CDKL3: variants seen among roughly 807,000 people sequenced by gnomAD.
CDKL3 encodes cyclin-dependent kinase-like 3.
In CDKL3, 65 loss-of-function variants were observed where a neutral mutation model predicts 69.3. The observed-to-expected ratio is 0.94, with a 90% CI of 0.77 to 1.15. The LOEUF (loss-of-function observed/expected upper bound fraction) is 1.15. Ranked by LOEUF, CDKL3 falls within the 50% of genes most tolerant of loss-of-function variation. The pLI is 0.00. For synonymous variants in CDKL3, 202 were observed against 221.6 expected (o/e 0.91, Z 0.79); for missense variants, 652 against 689.2 (o/e 0.95, Z 0.61).
chr5:134,303,676 C>A (rs563432208), intron 11 of CDKL3, among the ~76,000 whole-genome samples: 44 of 151,400 alleles, frequency 2.9e-4, no homozygotes, highest in African/African-American at 6.5e-4. Context: ...GAACCCCCCC[C>A]CCGTCTCTAC....
intron 3 of CDKL3, among the ~76,000 whole-genome samples, chr5:134,352,481 A>C (rs1292259346): frequency 6.6e-6 from 1 of 151,856 alleles, no homozygotes; most frequent in African/African-American, 2.4e-5. Context: ...TTGTATTTTT[A>C]GTGGAGATGG....
chr5:134,363,636 G>A (rs79259318), intron 2 of CDKL3, among the ~76,000 whole-genome samples: 24,696 of 151,502 alleles, frequency 0.16, 2,695 homozygotes, highest in African/African-American at 0.31. Flanking sequence ...AATTTTTTGT[G>A]TTTTAGTAGA....
At chr5:134,367,385 T>C, upstream of CDKL3, 1 of 981,488 alleles carries the variant, frequency 1.0e-6, no homozygotes, top group Non-Finnish European at 1.2e-6. Flanking sequence ...TTTTTTTTTT[T>C]TTTTTTTGAG....
At chr5:134,364,154 GAATA>G (rs1561657130) in intron 2 of CDKL3, among the ~76,000 whole-genome samples, 2 of 151,986 alleles carry the variant, frequency 1.3e-5, no homozygotes, top group African/African-American at 4.8e-5. Context: ...CCAATAAATA[GAATA>G]CATACTTATT....
chr5:134,305,017 A>G (rs1160138620), intron 10 of CDKL3, among the ~76,000 whole-genome samples: 1 of 151,662 alleles, frequency 6.6e-6, no homozygotes, highest in African/African-American at 2.4e-5. Flanking sequence ...TAGGTTGACT[A>G]GGCTGATCTC....
intron 11 of CDKL3, among the ~76,000 whole-genome samples, chr5:134,304,020 A>G (rs1019787988): frequency 6.6e-6 from 1 of 151,640 alleles, no homozygotes; most frequent in East Asian, 1.9e-4. Context: ...TGCAGTCTCA[A>G]CTTCCTGGGT....
intron 11 of CDKL3, among the ~76,000 whole-genome samples, chr5:134,303,807 A>G (rs561866759): frequency 1.3e-4 from 20 of 152,178 alleles, no homozygotes; most frequent in African/African-American, 4.8e-4. Context: ...TGAGATTGCA[A>G]CACTGCACTC....
At chr5:134,368,673 T>C (rs1488132811), upstream of CDKL3, among the ~76,000 whole-genome samples, 1 of 150,736 alleles carries the variant, frequency 6.6e-6, no homozygotes, top group Non-Finnish European at 1.5e-5. Context: ...TAAAATACCT[T>C]CTATAAATAA....
Position 134,298,445 on chromosome 5 carries a change from T to C in CDKL3, c.*206A>G. 2 of 1,342,902 alleles carry C rather than the reference T, an allele frequency of 1.5e-6. No individual in the cohort carries two copies. Among genetic ancestry groups the C allele is most frequent in the Non-Finnish European group, 1.9e-6 (2 of 1,052,612 alleles). 83.2% of individuals were successfully genotyped at this position (1,342,902 alleles called of 1,614,324 possible). On this transcript the variant is annotated 3_prime_UTR_variant, in exon 13 of 13. Transcript: ENST00000265334. ...GAAGTAGGCAGAGAAGAGATGACTT[T>C]ATAATTCCAAATCAAATTATCACAT...
At chr5:134,364,670 C>T (rs1366238264) in intron 2 of CDKL3, among the ~76,000 whole-genome samples, 1 of 151,868 alleles carries the variant, frequency 6.6e-6, no homozygotes, top group Non-Finnish European at 1.5e-5. Flanking sequence ...CACTACCATC[C>T]CCGGCTAATT....
intron 12 of CDKL3, chr5:134,299,718 C>T (rs780513220): frequency 6.5e-7 from 1 of 1,534,648 alleles, no homozygotes; most frequent in Non-Finnish European, 8.7e-7. Context: ...CTGGCAAGTT[C>T]TTCTTCCTTT....
rs773794246 is a variant in CDKL3, at chr5:134,304,481, G to A, written c.1545C>T (p.Ser515=). Residue 515 remains serine, a synonymous_variant, in exon 11 of 13, where the codon TCC becomes TCT. Coordinates refer to ENST00000265334, the MANE Select transcript of CDKL3 (RefSeq NM_001113575.2). ...AATGGAATTCTTTCCTGTCAGATCTGGAAAAATTCAGCTTCCTTTTGTTCT... is the reference window on the plus strand; with the variant it reads ...AATGGAATTCTTTCCTGTCAGATCTAGAAAAATTCAGCTTCCTTTTGTTCT... ...ANENKRKLNF[S]RSDRKEFHFP... is the part of the protein sequence containing the mutation. 1.2e-5 allele frequency: 20 copies of A among 1,612,396 alleles called. No individual in the cohort carries two copies. In the African/African-American group the frequency reaches 2.4e-4, roughly 19 times the overall value.
In CDKL3 at chr5:134,353,621, G is replaced by A. The variant is rs529161350; in HGVS notation, c.361-3194C>T. Among the ~76,000 whole-genome samples, 215 of 148,922 alleles carry A rather than the reference G, an allele frequency of 1.4e-3. 1 individual carries two copies. The highest frequency in any genetic ancestry group is 1.8e-3 in the Non-Finnish European group (122 of 67,622). On this transcript the variant is annotated intron_variant, in intron 3 of 12. Coordinates refer to ENST00000265334, the MANE Select transcript of CDKL3 (RefSeq NM_001113575.2). ...GGCTGGAGTGCAGTGGCGCAATCTC[G>A]GCTCACTGCAACCTCTGGCTCCCGG... is the stretch of plus-strand genomic sequence containing the variant.
intron 4 of CDKL3, among the ~76,000 whole-genome samples, chr5:134,333,042 TTC>T (rs1776195575): frequency 6.6e-6 from 1 of 152,238 alleles, no homozygotes; most frequent in South Asian, 2.1e-4. Context: ...AGGTATTTTA[TTC>T]TGTTTGTAGT....
At chr5:134,321,668 CATCT>C (rs1772831243) in intron 5 of CDKL3, 119 bp downstream of exon 5, 2 of 581,772 alleles carry the variant, frequency 3.4e-6, no homozygotes, top group African/African-American at 3.9e-5. Context: ...CATCTGCTGC[CATCT>C]ATCAAAACAA....
At chr5:134,348,095 T>G (rs1752389405) in intron 4 of CDKL3, among the ~76,000 whole-genome samples, 1 of 152,090 alleles carries the variant, frequency 6.6e-6, no homozygotes, top group African/African-American at 2.4e-5. Flanking sequence ...TTCTTTAAAA[T>G]GCAAGGAAAT....
chr5:134,316,249 G>A (rs1017753431), intron 6 of CDKL3, among the ~76,000 whole-genome samples: 1 of 152,066 alleles, frequency 6.6e-6, no homozygotes, highest in African/African-American at 2.4e-5. Context: ...CCTGCCCCCG[G>A]ACCACTTCTA....
intron 4 of CDKL3, among the ~76,000 whole-genome samples, chr5:134,336,572 C>G (rs1777159971): frequency 1.3e-5 from 2 of 152,206 alleles, no homozygotes; most frequent in African/African-American, 4.8e-5. Flanking sequence ...TTCCTTCCAA[C>G]AGACAGGCCC....
chr5:134,298,747 T>A (rs542869487), intron 12 of CDKL3, 37 bp from the exon 13 acceptor site: 351 of 1,596,916 alleles, frequency 2.2e-4, no homozygotes, highest in Admixed American at 3.6e-4. Flanking sequence ...AATCAGGGAC[T>A]GGAATGTAAA....
Sources: gnomAD v4.1 joint callset for allele counts (sites outside exome capture counted in the v4.1 genomes callset) on GRCh38, gnomAD v4.1.1 for gene constraint, MANE v1.5 for transcripts, NCBI Gene and HGNC (gene_info 2026-07-23, HGNC 2026-07-21) for gene names.